Variants in RORB observed in about 807,000 individuals in gnomAD.
The protein encoded by RORB is nuclear receptor ROR-beta.
Under a neutral mutation model 59.1 loss-of-function variants are expected in RORB, and 6 were observed. The ratio of observed to expected loss-of-function variants is 0.10; its 90% CI spans 0.06 to 0.20. RORB has a LOEUF of 0.20. Ranked by LOEUF, RORB falls within the 10% of genes least tolerant of loss-of-function variation. RORB has a pLI of 1.00. For missense variants in RORB, 320 were observed against 560.5 expected (o/e 0.57, Z 4.33); for synonymous variants, 215 against 204.5 (o/e 1.05, Z -0.44).
chr9:74,662,323 A>G, intron 5 of RORB, 151 bp from the exon 6 acceptor site: 1 of 721,766 alleles, frequency 1.4e-6, no homozygotes, highest in Non-Finnish European at 2.2e-6. Flanking sequence ...AAAAAAAATA[A>G]AAGTAGTGCC....
At chr9:74,644,045 G>C (rs970142966) in intron 4 of RORB, among the ~76,000 whole-genome samples, 1 of 152,202 alleles carries the variant, frequency 6.6e-6, no homozygotes, top group Non-Finnish European at 1.5e-5. Flanking sequence ...TATGCTACAT[G>C]CTCGGTCACC....
At chr9:74,615,016 T>C (rs1436337245) in intron 1 of RORB, among the ~76,000 whole-genome samples, 1 of 152,132 alleles carries the variant, frequency 6.6e-6, no homozygotes, top group Non-Finnish European at 1.5e-5. Flanking sequence ...GCTGCTCCTG[T>C]TAGGTGTGCA....
intron 5 of RORB, among the ~76,000 whole-genome samples, chr9:74,661,636 CTTTTTTTTT>C (rs779927558): frequency 2.5e-5 from 2 of 79,590 alleles, no homozygotes; most frequent in Non-Finnish European, 4.7e-5. Context: ...TTCTTTTTTC[CTTTTTTTTT>C]TTTTTTTTTT....
chr9:74,561,107 C>G (rs1822390567), intron 1 of RORB, among the ~76,000 whole-genome samples: 1 of 151,982 alleles, frequency 6.6e-6, no homozygotes, highest in South Asian at 2.1e-4. Context: ...CTACATACTC[C>G]CAGTGAATTG....
At chr9:74,536,480 A>T (rs1469907989) in intron 1 of RORB, among the ~76,000 whole-genome samples, 1 of 152,056 alleles carries the variant, frequency 6.6e-6, no homozygotes, top group Non-Finnish European at 1.5e-5. Context: ...ATTAACTGAA[A>T]TCCTTCACCT....
intron 9 of RORB, 116 bp downstream of exon 9, chr9:74,672,017 G>A (rs1204809550): frequency 1.7e-6 from 1 of 598,790 alleles, no homozygotes; most frequent in Admixed American, 3.2e-5. Context: ...AGTTACCAAA[G>A]ACTGCATAAA....
intron 1 of RORB, among the ~76,000 whole-genome samples, chr9:74,501,805 T>C (rs760003763): frequency 3.1e-4 from 47 of 152,348 alleles, no homozygotes; most frequent in Non-Finnish European, 5.6e-4. Context: ...GCTTTTACTT[T>C]TCTATATTTT....
At chr9:74,561,072 C>CT (rs1441630322) in intron 1 of RORB, among the ~76,000 whole-genome samples, 1 of 151,986 alleles carries the variant, frequency 6.6e-6, no homozygotes, top group African/African-American at 2.4e-5. Flanking sequence ...TTCCATTCTT[C>CT]TTTAAGAGAG....
intron 1 of RORB, among the ~76,000 whole-genome samples, chr9:74,625,898 GAA>G: frequency 6.6e-6 from 1 of 152,174 alleles, no homozygotes; most frequent in Non-Finnish European, 1.5e-5. Context: ...GAACGTACGT[GAA>G]AAGTCTGTTA....
chr9:74,626,613 T>C (rs1184436216), intron 1 of RORB, among the ~76,000 whole-genome samples: 1 of 152,180 alleles, frequency 6.6e-6, no homozygotes. Context: ...AAGGTCAAAC[T>C]CTTTCCTCAG....
rs148618863 is a variant in RORB at position 74,529,247 on chromosome 9, T to C, written c.7+31264T>C. Among the ~76,000 whole-genome samples the C allele has an allele frequency of 9.4e-4, 142 of 151,606 alleles. 1 individual carries two copies. Among genetic ancestry groups the C allele is most frequent in the African/African-American group, 3.2e-3 (131 of 41,422 alleles). On this transcript the variant is annotated intron_variant, in intron 1 of 9. Transcript: ENST00000376896. The stretch of plus-strand genomic sequence containing the variant: ...AAAGTTTGATTTGTTATAGAAAAAT[T>C]AGGGAAGAAAGGAAAGAAGGATAGT...
At chr9:74,551,144 A>G (rs1409569833) in intron 1 of RORB, among the ~76,000 whole-genome samples, 1 of 152,162 alleles carries the variant, frequency 6.6e-6, no homozygotes, top group African/African-American at 2.4e-5. Flanking sequence ...TTGTTTTCAC[A>G]TTATGGTATT....
Position 74,587,864 on chromosome 9 carries a change from G to A in RORB, c.8-42418G>A, listed in dbSNP as rs185846204. On this transcript the variant is annotated intron_variant, in intron 1 of 9. Transcript: ENST00000376896. ...GCCAATTTTAAAGGCAGAGTGGGAG[G>A]CACTACCGGAAAGTGTGGACACAGA... Among the ~76,000 whole-genome samples the A allele has an allele frequency of 1.7e-3, 255 of 152,314 alleles. 2 individuals are homozygous for A. Among genetic ancestry groups the A allele is most frequent in the African/African-American group, 5.4e-3 (225 of 41,562 alleles).
At chr9:74,610,125 C>A (rs1339130329) in intron 1 of RORB, among the ~76,000 whole-genome samples, 2 of 152,218 alleles carry the variant, frequency 1.3e-5, no homozygotes, top group African/African-American at 4.8e-5. Context: ...AATCTCACGA[C>A]ACTTTCTCAT....
intron 7 of RORB, among the ~76,000 whole-genome samples, chr9:74,666,635 AT>A (rs965278085): frequency 2.0e-5 from 3 of 151,996 alleles, no homozygotes; most frequent in Non-Finnish European, 4.4e-5. Context: ...TCTTATGTCA[AT>A]TTATCATCAT....
intron 2 of RORB, among the ~76,000 whole-genome samples, chr9:74,634,115 G>A (rs575979858): frequency 3.1e-4 from 43 of 139,724 alleles, no homozygotes; most frequent in Non-Finnish European, 5.4e-4. Flanking sequence ...CTGCATTCGA[G>A]CCAAATTCAA....
intron 1 of RORB, among the ~76,000 whole-genome samples, chr9:74,572,049 A>G (rs1387338869): frequency 6.6e-6 from 1 of 152,100 alleles, no homozygotes; most frequent in East Asian, 1.9e-4. Flanking sequence ...AAACTCTAAC[A>G]TAGCACCACC....
intron 1 of RORB, among the ~76,000 whole-genome samples, chr9:74,571,439 T>C (rs1233223297): frequency 6.6e-6 from 1 of 151,910 alleles, no homozygotes; most frequent in East Asian, 1.9e-4. Context: ...TTACTAGAGT[T>C]GGGGAACAGT....
chr9:74,574,152 TCATA>T (rs1359147406), intron 1 of RORB, among the ~76,000 whole-genome samples: 2 of 152,110 alleles, frequency 1.3e-5, no homozygotes, highest in African/African-American at 2.4e-5. Context: ...AGTCTCATTA[TCATA>T]CCCACTCCTT....
Sources: gnomAD v4.1 joint callset for allele counts (sites outside exome capture counted in the v4.1 genomes callset) on GRCh38, gnomAD v4.1.1 for gene constraint, MANE v1.5 for transcripts, NCBI Gene and HGNC (gene_info 2026-07-23, HGNC 2026-07-21) for gene names.